INSC: variants seen among roughly 807,000 people sequenced by gnomAD.
The protein encoded by INSC is protein inscuteable homolog.
A neutral mutation model predicts 58.6 loss-of-function variants in INSC; 67 were observed. The observed-to-expected ratio is 1.14, with a 90% CI of 0.94 to 1.40. The LOEUF (loss-of-function observed/expected upper bound fraction) is 1.40, where lower values mean the gene tolerates loss of function less well. Ranked by LOEUF, INSC falls within the 40% of genes most tolerant of loss-of-function variation. The probability of loss-of-function intolerance (pLI) is 0.00; values close to 1 mark genes in which losing one functional copy is unlikely to be tolerated. For missense variants in INSC, 714 were observed against 692.0 expected (o/e 1.03, Z -0.36); for synonymous variants, 262 against 276.1 (o/e 0.95, Z 0.51).
intron 7 of INSC, among the ~76,000 whole-genome samples, chr11:15,219,237 T>G (rs1225079775): frequency 6.6e-6 from 1 of 152,146 alleles, no homozygotes; most frequent in Non-Finnish European, 1.5e-5. Context: ...TCCACAGACC[T>G]CACTTGGAGA....
At chr11:15,229,962 AT>A (rs1311701220) in intron 9 of INSC, among the ~76,000 whole-genome samples, 826 of 28,116 alleles carry the variant, frequency 0.029, 96 homozygotes, top group African/African-American at 0.11. Flanking sequence ...ATATATATTT[AT>A]ATATATATAT....
intron 10 of INSC, among the ~76,000 whole-genome samples, chr11:15,236,616 C>T (rs957195864): frequency 1.3e-5 from 2 of 152,172 alleles, no homozygotes; most frequent in African/African-American, 2.4e-5. Flanking sequence ...CTGATCTAAG[C>T]TGTTTCTGCC....
chr11:15,144,303 C>G (rs559010299), intron 1 of INSC, among the ~76,000 whole-genome samples: 1 of 152,178 alleles, frequency 6.6e-6, no homozygotes, highest in South Asian at 2.1e-4. Context: ...CTATTTTTGC[C>G]CCATTTTACT....
At chr11:15,141,663 G>A (rs1236535968) in intron 1 of INSC, among the ~76,000 whole-genome samples, 1 of 152,082 alleles carries the variant, frequency 6.6e-6, no homozygotes, top group African/African-American at 2.4e-5. Flanking sequence ...TCTGATTGCT[G>A]CAGGATGCCA....
intron 7 of INSC, among the ~76,000 whole-genome samples, chr11:15,221,220 C>T (rs140992678): frequency 2.1e-3 from 323 of 151,978 alleles, no homozygotes; most frequent in African/African-American, 7.6e-3. Context: ...GACTTGATGT[C>T]CGCTATCTAG....
chr11:15,266,538 A>G, the INSC span, among the ~76,000 whole-genome samples: 1 of 152,042 alleles, frequency 6.6e-6, no homozygotes, highest in Non-Finnish European at 1.5e-5. Context: ...TATTTTTCCT[A>G]TATACCTTGG....
At chr11:15,203,254 C>T (rs1005908252) in intron 7 of INSC, among the ~76,000 whole-genome samples, 6 of 152,196 alleles carry the variant, frequency 3.9e-5, no homozygotes, top group Non-Finnish European at 5.9e-5. Flanking sequence ...GCAGCTTAAT[C>T]CCAGACCACC....
intron 5 of INSC, among the ~76,000 whole-genome samples, chr11:15,180,070 C>T (rs867398446): frequency 3.3e-5 from 5 of 152,090 alleles, no homozygotes; most frequent in African/African-American, 9.7e-5. Context: ...TCCTGGCTAA[C>T]GTGGTGAAAC....
chr11:15,137,018 G>A (rs1014291626), intron 1 of INSC, among the ~76,000 whole-genome samples: 1 of 152,112 alleles, frequency 6.6e-6, no homozygotes, highest in African/African-American at 2.4e-5. Flanking sequence ...ATTACTCCTT[G>A]ATTCATGGGC....
chr11:15,206,060 A>T (rs2133894990), intron 7 of INSC, among the ~76,000 whole-genome samples: 1 of 152,318 alleles, frequency 6.6e-6, no homozygotes, highest in African/African-American at 2.4e-5. Flanking sequence ...CTGCATCCTA[A>T]GCTTCAGGAC....
At chr11:15,204,954 C>T (rs1036597488) in intron 7 of INSC, among the ~76,000 whole-genome samples, 2 of 152,174 alleles carry the variant, frequency 1.3e-5, no homozygotes, top group African/African-American at 4.8e-5. Flanking sequence ...TGCATCCATC[C>T]CAATTGCTGC....
chr11:15,139,928 G>A, intron 1 of INSC, among the ~76,000 whole-genome samples: 1 of 152,232 alleles, frequency 6.6e-6, no homozygotes, highest in Non-Finnish European at 1.5e-5. Context: ...AGTAAGTGCA[G>A]CTTTCTTCTG....
chr11:15,140,147 A>G (rs1848334304), intron 1 of INSC, among the ~76,000 whole-genome samples: 1 of 152,052 alleles, frequency 6.6e-6, no homozygotes, highest in African/African-American at 2.4e-5. Context: ...ATTCATATAA[A>G]CCAGGTGCTG....
intron 6 of INSC, among the ~76,000 whole-genome samples, chr11:15,192,726 A>AAACAG (rs1206161519): frequency 1.3e-5 from 2 of 152,196 alleles, no homozygotes; most frequent in Admixed American, 6.5e-5. Flanking sequence ...CTGTGTCCAG[A>AAACAG]AACAGGTTCA....
upstream of INSC, chr11:15,112,503 A>G: frequency 1.2e-6 from 2 of 1,612,388 alleles, no homozygotes; most frequent in Middle Eastern, 1.7e-4. Flanking sequence ...AGAGGCGGCC[A>G]GCGAAGGTCC....
At chr11:15,119,045 C>T (rs1449942172) in intron 1 of INSC, among the ~76,000 whole-genome samples, 1 of 152,198 alleles carries the variant, frequency 6.6e-6, no homozygotes, top group African/African-American at 2.4e-5. Flanking sequence ...TAGTGAATGT[C>T]CACTGACCAC....
chr11:15,240,638 C>T, intron 12 of INSC, 115 bp downstream of exon 12: 1 of 752,864 alleles, frequency 1.3e-6, no homozygotes, highest in Non-Finnish European at 2.4e-6. Flanking sequence ...CCTCTCTGGG[C>T]TTTAGCTTTT....
intron 5 of INSC, among the ~76,000 whole-genome samples, chr11:15,186,158 A>T (rs981508723): frequency 5.9e-5 from 9 of 152,238 alleles, no homozygotes; most frequent in African/African-American, 2.2e-4. Context: ...TGAGTCCACG[A>T]GGGTCAGTAC....
rs552725969 is a variant in INSC at position 15,197,025 on chromosome 11, C to T, written c.694-3799C>T. On this transcript the variant is annotated intron_variant, in intron 6 of 12. Transcript: ENST00000379556. Reference sequence around the variant, plus strand: ...CAACCTTCCATGCCCATTGTTTACTCAGGCATGGTGCTATGCTTTCTAATC... The same window carrying T: ...CAACCTTCCATGCCCATTGTTTACTTAGGCATGGTGCTATGCTTTCTAATC... 5.9e-5 allele frequency among the ~76,000 whole-genome samples: 9 copies of T among 152,358 alleles called. No homozygotes were observed. In the South Asian group the frequency reaches 1.9e-3, roughly 32 times the overall value.
Sources: allele counts gnomAD v4.1 joint callset (sites outside exome capture counted in the v4.1 genomes callset), GRCh38; gene constraint gnomAD v4.1.1; transcripts MANE v1.5; gene names NCBI Gene and HGNC (gene_info 2026-07-23, HGNC 2026-07-21).